Variants in KLHL29 observed in about 807,000 individuals in gnomAD.
KLHL29 encodes the protein kelch like family member 29, also known as kelch-like protein 29.
KLHL29 carries 21 observed loss-of-function variants against 80.4 expected under a neutral mutation model. The ratio of observed to expected loss-of-function variants is 0.26; its 90% CI spans 0.19 to 0.38. KLHL29 has a LOEUF of 0.38. KLHL29 is among the 10% of genes least tolerant of loss of function. KLHL29 has a pLI of 1.00. For synonymous variants in KLHL29, 511 were observed against 526.8 expected, an observed-to-expected ratio of 0.97 and a Z score of 0.41; for missense variants, 867 against 1,223.9, an observed-to-expected ratio of 0.71 and a Z score of 4.35.
rs192605547 is a variant in KLHL29, at chr2:23,441,519, A to G, written c.-153-34041A>G. 1.3e-3 allele frequency among the ~76,000 whole-genome samples: 196 copies of G among 147,518 alleles called. 1 individual carries two copies. The highest frequency in any genetic ancestry group is 4.1e-3 in the African/African-American group (162 of 39,850). On this transcript the variant is annotated intron_variant, in intron 1 of 13. Coordinates refer to ENST00000486442, the MANE Select transcript of KLHL29 (RefSeq NM_052920.2). Reference sequence around the variant, plus strand: ...TAATTAATAATAAAAGAAATCAGAGAAAAAAAAAACTTAGTAACCTAAAAG... The same window carrying G: ...TAATTAATAATAAAAGAAATCAGAGGAAAAAAAAACTTAGTAACCTAAAAG...
intron 1 of KLHL29, among the ~76,000 whole-genome samples, chr2:23,438,335 T>C (rs1663405629): frequency 6.6e-6 from 1 of 150,706 alleles, no homozygotes; most frequent in Non-Finnish European, 1.5e-5. Flanking sequence ...TGGCCAGAAC[T>C]TCCAACACCA....
chr2:23,600,703 T>G (rs1668547610), intron 3 of KLHL29, among the ~76,000 whole-genome samples: 1 of 152,142 alleles, frequency 6.6e-6, no homozygotes, highest in African/African-American at 2.4e-5. Flanking sequence ...GGGGAGACTA[T>G]GCCAGAAGGA....
chr2:23,577,649 G>A (rs541988116), intron 3 of KLHL29, among the ~76,000 whole-genome samples: 1 of 151,970 alleles, frequency 6.6e-6, no homozygotes, highest in African/African-American at 2.4e-5. Context: ...TCTGGAGGCT[G>A]AGGCAAGAGA....
chr2:23,505,248 C>G (rs1209136725), intron 2 of KLHL29, among the ~76,000 whole-genome samples: 1 of 152,202 alleles, frequency 6.6e-6, no homozygotes, highest in African/African-American at 2.4e-5. Context: ...CCCTGTGATG[C>G]AGGGTGTCAG....
At chr2:23,610,846 G>A (rs1280867708) in intron 3 of KLHL29, among the ~76,000 whole-genome samples, 1 of 152,250 alleles carries the variant, frequency 6.6e-6, no homozygotes, top group Non-Finnish European at 1.5e-5. Flanking sequence ...ATTTGCAGCA[G>A]TAAAGTAAGA....
At chr2:23,426,153 G>A (rs1391850240) in intron 1 of KLHL29, among the ~76,000 whole-genome samples, 1 of 152,152 alleles carries the variant, frequency 6.6e-6, no homozygotes, top group Non-Finnish European at 1.5e-5. Flanking sequence ...TGGGAAGCGG[G>A]GAGGAGGGGA....
intron 1 of KLHL29, among the ~76,000 whole-genome samples, chr2:23,393,630 A>G (rs1259420134): frequency 6.6e-6 from 1 of 152,120 alleles, no homozygotes; most frequent in Admixed American, 6.5e-5. Flanking sequence ...CTTCTGTTCT[A>G]TTTTTATTCT....
chr2:23,407,446 CCTT>C (rs1278452207), intron 1 of KLHL29, among the ~76,000 whole-genome samples: 1 of 147,214 alleles, frequency 6.8e-6, no homozygotes, highest in African/African-American at 2.5e-5. Flanking sequence ...CTCTGTTTGT[CCTT>C]CTATTTATAT....
chr2:23,458,810 A>G (rs971139216), intron 1 of KLHL29, among the ~76,000 whole-genome samples: 5 of 152,224 alleles, frequency 3.3e-5, no homozygotes, highest in African/African-American at 1.2e-4. Flanking sequence ...CAGGGGTGAG[A>G]TGAGGCAGGA....
At chr2:23,561,167 C>T (rs930064330) in intron 2 of KLHL29, among the ~76,000 whole-genome samples, 1 of 152,262 alleles carries the variant, frequency 6.6e-6, no homozygotes, top group Non-Finnish European at 1.5e-5. Flanking sequence ...CATGCCCTCT[C>T]CCCTCTGTCT....
chr2:23,428,806 T>C (rs1484961867), intron 1 of KLHL29, among the ~76,000 whole-genome samples: 1 of 152,246 alleles, frequency 6.6e-6, no homozygotes, highest in Non-Finnish European at 1.5e-5. Context: ...TTGGGGCCGT[T>C]GGCTCCCCCA....
chr2:23,682,899 A>G lies in KLHL29; in HGVS notation c.941-1500A>G, dbSNP rs75887076. 7.0e-6 allele frequency among the ~76,000 whole-genome samples: 1 copy of G among 142,284 alleles called. No individual in the cohort carries two copies. Among genetic ancestry groups the G allele is most frequent in the Admixed American group, 7.0e-5 (1 of 14,280 alleles). The allele number at this position is 142,284 out of a possible 152,430, so 93.3% of individuals were successfully genotyped here. ...GCGGGGTCAGTGATTCGGCCTTGCC[A>G]TGGCTCCCAGAGGGCAGGGCCCCCA... On this transcript the variant is annotated intron_variant, in intron 5 of 13. Coordinates refer to ENST00000486442, the MANE Select transcript of KLHL29 (RefSeq NM_052920.2). The surrounding 1 kb of genome is among the most constrained non-coding windows in gnomAD (Gnocchi z 4.1).
chr2:23,696,173 G>A lies in KLHL29; in HGVS notation c.1924+40G>A. On this transcript the variant is annotated intron_variant, in intron 10 of 13. Transcript: ENST00000486442. This position sits in a 1 kb window ranked among gnomAD's most constrained non-coding sequence, Gnocchi z 5.5. The stretch of plus-strand genomic sequence containing the variant: ...GGTTGGGGCGGGACCAGGCATGGGG[G>A]TCCCAAGGGGACTGCTCCCCACGTC... 1 of 1,535,174 alleles carries A rather than the reference G, an allele frequency of 6.5e-7. No homozygotes were observed. Among genetic ancestry groups the A allele is most frequent in the Non-Finnish European group, 8.8e-7 (1 of 1,136,256 alleles).
chr2:23,605,430 C>A (rs1008659883), intron 3 of KLHL29, among the ~76,000 whole-genome samples: 1 of 152,094 alleles, frequency 6.6e-6, no homozygotes, highest in African/African-American at 2.4e-5. Context: ...TTCCACGCGG[C>A]TCTTGTATCA....
chr2:23,563,310 G>C (rs1667498421), intron 3 of KLHL29, among the ~76,000 whole-genome samples: 1 of 152,230 alleles, frequency 6.6e-6, no homozygotes, highest in South Asian at 2.1e-4. Flanking sequence ...GGCAGCCTGA[G>C]TCCTGGAGGG....
chr2:23,522,255 A>G (rs893731178), intron 2 of KLHL29, among the ~76,000 whole-genome samples: 35 of 152,128 alleles, frequency 2.3e-4, no homozygotes, highest in African/African-American at 7.7e-4. Flanking sequence ...GGTTCAAGCA[A>G]TTCTCCCACC....
chr2:23,461,329 T>C (rs963962896), intron 1 of KLHL29, among the ~76,000 whole-genome samples: 3 of 152,200 alleles, frequency 2.0e-5, no homozygotes, highest in African/African-American at 7.2e-5. Flanking sequence ...TGTGGTTCTT[T>C]CTGTCTCCTA....
chr2:23,679,730 A>T (rs1249107553), intron 5 of KLHL29, among the ~76,000 whole-genome samples: 1 of 152,240 alleles, frequency 6.6e-6, no homozygotes, highest in Non-Finnish European at 1.5e-5. Flanking sequence ...TAGTATCGAT[A>T]AAGAAGTGAG....
At chr2:23,694,998 C>T (rs1671861342) in intron 8 of KLHL29, among the ~76,000 whole-genome samples, 1 of 152,154 alleles carries the variant, frequency 6.6e-6, no homozygotes. Context: ...TCTCGTTACT[C>T]ATGGGATGAA....
Sources: gnomAD v4.1 joint callset for allele counts (sites outside exome capture counted in the v4.1 genomes callset) on GRCh38, gnomAD v4.1.1 for gene constraint, Gnocchi (gnomAD v3.1) non-coding constraint, MANE v1.5 for transcripts, NCBI Gene and HGNC (gene_info 2026-07-23, HGNC 2026-07-21) for gene names.